PTPRD: variants seen among roughly 807,000 people sequenced by gnomAD.
The protein encoded by PTPRD is receptor-type tyrosine-protein phosphatase delta.
PTPRD carries 34 observed loss-of-function variants against 214.5 expected under a neutral mutation model. That is an observed-to-expected ratio of 0.16 (90% CI 0.12 to 0.21). The LOEUF (loss-of-function observed/expected upper bound fraction) is 0.21. PTPRD is among the 10% of genes least tolerant of loss of function. The pLI is 1.00. For missense variants in PTPRD, 2,545 were observed against 2,398.7 expected (o/e 1.06, Z -1.27); for synonymous variants, 1,128 against 845.7 (o/e 1.33, Z -5.79).
At chr9:9,735,434 A>G (rs948784288) in intron 6 of PTPRD, among the ~76,000 whole-genome samples, 2 of 152,142 alleles carry the variant, frequency 1.3e-5, no homozygotes, top group African/African-American at 4.8e-5. Flanking sequence ...TTTCTTTGAA[A>G]GAGAATGGAG....
intron 11 of PTPRD, among the ~76,000 whole-genome samples, chr9:8,817,842 G>A (rs1047877104): frequency 6.6e-6 from 1 of 152,074 alleles, no homozygotes; most frequent in Non-Finnish European, 1.5e-5. Context: ...CTGATGACCA[G>A]ATTTTGCTCC....
At chr9:8,594,801 A>G (rs1480648363) in intron 14 of PTPRD, among the ~76,000 whole-genome samples, 2 of 150,682 alleles carry the variant, frequency 1.3e-5, no homozygotes, top group Non-Finnish European at 2.9e-5. Context: ...CTTATAAATT[A>G]CCCAGTCTTG....
At chr9:8,608,025 T>G (rs2095301476) in intron 14 of PTPRD, among the ~76,000 whole-genome samples, 1 of 152,212 alleles carries the variant, frequency 6.6e-6, no homozygotes, top group Non-Finnish European at 1.5e-5. Flanking sequence ...TGTCAGCTTT[T>G]ACGACGCACT....
chr9:8,624,956 T>C (rs1200395473), intron 14 of PTPRD, among the ~76,000 whole-genome samples: 2 of 151,844 alleles, frequency 1.3e-5, no homozygotes, highest in Non-Finnish European at 2.9e-5. Context: ...AATGGTCTCT[T>C]AATGCATTGT....
chr9:9,467,497 G>T (rs984427960), intron 8 of PTPRD, among the ~76,000 whole-genome samples: 3 of 145,106 alleles, frequency 2.1e-5, no homozygotes, highest in Non-Finnish European at 3.0e-5. Flanking sequence ...TGAGGCAGTA[G>T]AATTGCTTGA....
At chr9:8,608,164 C>T (rs1020145214) in intron 14 of PTPRD, among the ~76,000 whole-genome samples, 4 of 151,578 alleles carry the variant, frequency 2.6e-5, no homozygotes, top group African/African-American at 9.7e-5. Context: ...TATATCTATA[C>T]ATTACATATT....
At position 9,833,651 on chromosome 9, in the gene PTPRD, T is replaced by A. The variant is rs533102711; in HGVS notation, c.-367-66800A>T. 5.9e-4 allele frequency among the ~76,000 whole-genome samples: 54 copies of A among 92,178 alleles called. 1 individual carries two copies. Among genetic ancestry groups the A allele is most frequent in the Admixed American group, 1.1e-3 (9 of 8,510 alleles). The allele number at this position is 92,178 out of a possible 152,430, so 60.5% of individuals were successfully genotyped here. A position where few individuals can be genotyped will look rare whatever the true frequency, so the allele number is the denominator to read the frequency against. Reference sequence around the variant, plus strand: ...ACTGGAGTTTATTTCACCTCTGCAGTCTCAACCATAAGAGACAGGTACGCT... The same window carrying A: ...ACTGGAGTTTATTTCACCTCTGCAGACTCAACCATAAGAGACAGGTACGCT... On this transcript the variant is annotated intron_variant, in intron 5 of 45. Coordinates refer to ENST00000381196, the MANE Select transcript of PTPRD (RefSeq NM_002839.4).
At chr9:10,488,451 T>C (rs762471500) in intron 2 of PTPRD, among the ~76,000 whole-genome samples, 1 of 151,658 alleles carries the variant, frequency 6.6e-6, no homozygotes, top group Non-Finnish European at 1.5e-5. Flanking sequence ...ACTGTAATCA[T>C]TCCCTGACTA....
At chr9:10,226,138 A>C (rs894309450) in intron 3 of PTPRD, among the ~76,000 whole-genome samples, 4 of 152,030 alleles carry the variant, frequency 2.6e-5, no homozygotes, top group African/African-American at 9.7e-5. Flanking sequence ...GCCCCAATGC[A>C]TGATGGATGG....
chr9:10,253,432 G>A (rs918782408), intron 3 of PTPRD, among the ~76,000 whole-genome samples: 3 of 152,190 alleles, frequency 2.0e-5, no homozygotes, highest in Admixed American at 6.5e-5. Context: ...AAATTGCCCA[G>A]AAACTTTGAT....
At chr9:8,827,215 G>A (rs1001899538) in intron 11 of PTPRD, among the ~76,000 whole-genome samples, 1 of 152,112 alleles carries the variant, frequency 6.6e-6, no homozygotes, top group South Asian at 2.1e-4. Flanking sequence ...CTGAGGGTAA[G>A]GACAACTTCT....
intron 2 of PTPRD, among the ~76,000 whole-genome samples, chr9:10,480,019 G>A (rs777306095): frequency 8.5e-5 from 13 of 152,146 alleles, no homozygotes; most frequent in Non-Finnish European, 1.8e-4. Context: ...TTATCAGGAA[G>A]ATATGAATGA....
At chr9:8,461,068 C>T (rs1272645774) in intron 32 of PTPRD, among the ~76,000 whole-genome samples, 2 of 152,002 alleles carry the variant, frequency 1.3e-5, no homozygotes, top group Non-Finnish European at 2.9e-5. Context: ...ATGTGAATAT[C>T]GGTAGTCATT....
intron 10 of PTPRD, among the ~76,000 whole-genome samples, chr9:9,035,897 T>C (rs903189442): frequency 2.0e-5 from 3 of 152,108 alleles, no homozygotes; most frequent in East Asian, 1.9e-4. Flanking sequence ...AGAAACATAT[T>C]GAAACATATA....
At chr9:10,549,355 G>A (rs568159159) in intron 2 of PTPRD, among the ~76,000 whole-genome samples, 8 of 152,246 alleles carry the variant, frequency 5.3e-5, no homozygotes, top group Non-Finnish European at 4.4e-5. Context: ...TCCGATGAAG[G>A]ATTAGCTTTT....
intron 30 of PTPRD, among the ~76,000 whole-genome samples, chr9:8,476,257 C>A (rs1039237656): frequency 2.0e-5 from 3 of 152,178 alleles, no homozygotes; most frequent in Admixed American, 2.0e-4. Context: ...AGCCGGCAAC[C>A]TAAATCCCTC....
At chr9:10,263,129 T>C (rs2093807660) in intron 3 of PTPRD, among the ~76,000 whole-genome samples, 1 of 152,272 alleles carries the variant, frequency 6.6e-6, no homozygotes. Context: ...TATTTTTCTT[T>C]ATAAATTACT....
chr9:10,079,554 C>T (rs1345943435), intron 3 of PTPRD, among the ~76,000 whole-genome samples: 1 of 152,050 alleles, frequency 6.6e-6, no homozygotes, highest in Non-Finnish European at 1.5e-5. Context: ...TGAGTGTGGG[C>T]ATCAAGGATA....
chr9:9,888,065 C>T (rs1336311899), intron 5 of PTPRD, among the ~76,000 whole-genome samples: 2 of 152,150 alleles, frequency 1.3e-5, no homozygotes, highest in African/African-American at 4.8e-5. Flanking sequence ...GAAGGTGTAG[C>T]ACACGTTGTT....
Sources: gnomAD v4.1 joint callset for allele counts (sites outside exome capture counted in the v4.1 genomes callset) on GRCh38, gnomAD v4.1.1 for gene constraint, MANE v1.5 for transcripts, NCBI Gene and HGNC (gene_info 2026-07-23, HGNC 2026-07-21) for gene names.